NR2C2: variants seen among roughly 807,000 people sequenced by gnomAD.
The protein encoded by NR2C2 is Nuclear hormone receptor TR4.
In NR2C2, 6 loss-of-function variants were observed where a neutral mutation model predicts 62.9. The observed-to-expected ratio is 0.10, with a 90% CI of 0.05 to 0.19. The LOEUF is 0.19. NR2C2 is among the 10% of genes least tolerant of loss of function. The probability of loss-of-function intolerance (pLI) is 1.00; values close to 1 mark genes in which losing one functional copy is unlikely to be tolerated. For synonymous variants in NR2C2, 272 were observed against 273.8 expected, an observed-to-expected ratio of 0.99 and a Z score of 0.07; for missense variants, 479 against 762.7, an observed-to-expected ratio of 0.63 and a Z score of 4.38.
intron 1 of NR2C2, among the ~76,000 whole-genome samples, chr3:14,976,838 TAGTC>T (rs1192671733): frequency 3.9e-5 from 6 of 152,178 alleles, no homozygotes; most frequent in Admixed American, 2.6e-4. Context: ...TTGTGTATAA[TAGTC>T]AGTGCCACTG....
At chr3:14,983,407 C>G (rs1015081173) in intron 1 of NR2C2, among the ~76,000 whole-genome samples, 1 of 151,252 alleles carries the variant, frequency 6.6e-6, no homozygotes, top group Non-Finnish European at 1.5e-5. Flanking sequence ...TTAAACCCAT[C>G]TTGTATTCTG....
chr3:15,023,935 T>C (rs561998684), intron 6 of NR2C2, among the ~76,000 whole-genome samples, 180 bp from the exon 7 acceptor site: 2 of 152,220 alleles, frequency 1.3e-5, no homozygotes, highest in Non-Finnish European at 2.9e-5. Context: ...ACTTTATGTA[T>C]ATCTCATTGC....
intron 1 of NR2C2, among the ~76,000 whole-genome samples, chr3:14,998,135 A>G (rs1440628324): frequency 6.6e-6 from 1 of 152,190 alleles, no homozygotes; most frequent in African/African-American, 2.4e-5. Context: ...ACTCCATTAC[A>G]TGGATATACC....
chr3:15,025,272 G>A (rs1438808596), intron 7 of NR2C2, among the ~76,000 whole-genome samples: 1 of 152,238 alleles, frequency 6.6e-6, no homozygotes. Context: ...CACAGACTGG[G>A]AATGAGAACC....
chr3:15,027,340 C>A (rs2041852198), intron 7 of NR2C2, among the ~76,000 whole-genome samples: 1 of 152,226 alleles, frequency 6.6e-6, no homozygotes, highest in Admixed American at 6.5e-5. Context: ...TTTTATTTAT[C>A]CATTAGTCAA....
intron 7 of NR2C2, chr3:15,026,825 G>C (rs748558373): frequency 1.3e-5 from 2 of 152,182 alleles, no homozygotes; most frequent in Non-Finnish European, 2.9e-5. Flanking sequence ...TCAGCCTCCC[G>C]AGTAGCTGGG....
rs1269732492 is a variant in NR2C2, at chr3:15,023,230, T to C, written c.587T>C (p.Val196Ala). The C allele has an allele frequency of 6.2e-7, 1 of 1,614,154 alleles. No individual in the cohort carries two copies. Among genetic ancestry groups the C allele is most frequent in the Non-Finnish European group, 8.5e-7 (1 of 1,180,052 alleles). ...SVQSERKPFD[V>A]QREKPSNCAA... ...CAGAGTGAACGGAAGCCCTTCGATGTGCAACGGGAGAAACCAAGCAATTGT... is the reference window on the plus strand; with the variant it reads ...CAGAGTGAACGGAAGCCCTTCGATGCGCAACGGGAGAAACCAAGCAATTGT... The change falls in exon 6 of 14, where the codon GTG (valine) becomes GCG (alanine). Residue 196 changes from valine to alanine, a missense_variant. This residue lies in a region of NR2C2 where 51 missense variants were observed against 137.5 expected (regional missense o/e 0.37). Transcript: ENST00000425241.
chr3:15,013,904 C>G (rs2041427217), intron 3 of NR2C2, 115 bp downstream of exon 3: 1 of 1,093,014 alleles, frequency 9.1e-7, no homozygotes, highest in Non-Finnish European at 1.4e-6. Context: ...CCTTGGGGAC[C>G]TGCAAACATG....
rs868378024 is a variant in NR2C2, at chr3:15,036,886, C to T, written c.1373-1114C>T. Among the ~76,000 whole-genome samples the T allele has an allele frequency of 3.8e-4, 58 of 152,252 alleles. No homozygotes were observed. In the Middle Eastern group the frequency reaches 0.034, roughly 89 times the overall value. ...CCTGTAATCCCAGCACTTTGGGAGGCCGAGGCAGGTGGATAACTTGAGGTC... is the reference window on the plus strand; with the variant it reads ...CCTGTAATCCCAGCACTTTGGGAGGTCGAGGCAGGTGGATAACTTGAGGTC... On this transcript the variant is annotated intron_variant, in intron 11 of 13. Coordinates refer to ENST00000425241, the MANE Select transcript of NR2C2 (RefSeq NM_001291694.2).
rs1369845817 is a variant in NR2C2, at chr3:15,048,097, T to G, written c.*5089T>G. 1.3e-5 allele frequency: 2 copies of G among 152,678 alleles called. No homozygotes were observed. Among genetic ancestry groups the G allele is most frequent in the African/African-American group, 4.8e-5 (2 of 41,460 alleles). 9.5% of individuals were successfully genotyped at this position (152,678 alleles called of 1,614,324 possible). On this transcript the variant is annotated 3_prime_UTR_variant, in exon 14 of 14. Transcript: ENST00000425241. The stretch of plus-strand genomic sequence containing the variant: ...AAAACTCACATAATCCACAGTTTCC[T>G]CTTTTTCTTTTTAAAATAAGTTATC...
At position 15,004,696 on chromosome 3, in the gene NR2C2, G is replaced by A. The variant is rs569423168; in HGVS notation, c.72+710G>A. ...CAAAGATTTATTGTTATCTCAACAA[G>A]CTGAATCAAAAAGCCAATTATAACG... On this transcript the variant is annotated intron_variant, in intron 2 of 13. Transcript: ENST00000425241. 2.7e-6 allele frequency: 4 copies of A among 1,502,364 alleles called. No homozygotes were observed. The East Asian group carries it at 6.9e-5, about 26-fold the overall frequency. 93.1% of individuals were successfully genotyped at this position (1,502,364 alleles called of 1,614,324 possible). A position where few individuals can be genotyped will look rare whatever the true frequency, so the allele number is the denominator to read the frequency against.
At chr3:15,040,786 T>C (rs775684226) in intron 13 of NR2C2, among the ~76,000 whole-genome samples, 3 of 152,160 alleles carry the variant, frequency 2.0e-5, no homozygotes, top group Non-Finnish European at 2.9e-5. Context: ...CCTCAATACA[T>C]AGAGAATGGG....
intron 5 of NR2C2, among the ~76,000 whole-genome samples, chr3:15,021,187 C>T (rs2041658498): frequency 6.6e-6 from 1 of 152,108 alleles, no homozygotes; most frequent in Admixed American, 6.5e-5. Context: ...GTGGGTTGAA[C>T]ACAGGCTTTG....
At chr3:15,004,100 C>A in intron 2 of NR2C2, 114 bp downstream of exon 2, 1 of 712,206 alleles carries the variant, frequency 1.4e-6, no homozygotes, top group Non-Finnish European at 2.2e-6. Context: ...AAATACAGTA[C>A]AACTTCATCA....
intron 4 of NR2C2, among the ~76,000 whole-genome samples, chr3:15,020,064 A>G (rs1264389928): frequency 2.0e-5 from 3 of 152,242 alleles, no homozygotes; most frequent in Admixed American, 2.0e-4. Context: ...AAGAGACACC[A>G]AAGTAAAACA....
chr3:14,996,710 C>A (rs1454471663), intron 1 of NR2C2, among the ~76,000 whole-genome samples: 2 of 152,008 alleles, frequency 1.3e-5, no homozygotes, highest in East Asian at 3.9e-4. Context: ...AGCTGGGACT[C>A]CAGGCGCCCA....
At chr3:14,963,713 G>T (rs555781389) in intron 1 of NR2C2, among the ~76,000 whole-genome samples, 1 of 152,004 alleles carries the variant, frequency 6.6e-6, no homozygotes, top group African/African-American at 2.4e-5. Flanking sequence ...CTCGTGATCC[G>T]CCTGCCTCTG....
intron 1 of NR2C2, among the ~76,000 whole-genome samples, chr3:15,000,174 C>A: frequency 6.6e-6 from 1 of 152,090 alleles, no homozygotes; most frequent in Non-Finnish European, 1.5e-5. Context: ...TCTCCCCATT[C>A]CCCCTGCCCC....
intron 13 of NR2C2, among the ~76,000 whole-genome samples, chr3:15,040,415 T>G (rs2042224579): frequency 6.6e-6 from 1 of 152,204 alleles, no homozygotes; most frequent in Non-Finnish European, 1.5e-5. Flanking sequence ...ATTGACAGCC[T>G]GGGAAGACAC....
Sources: allele counts gnomAD v4.1 joint callset (sites outside exome capture counted in the v4.1 genomes callset), GRCh38; gene constraint gnomAD v4.1.1; regional missense constraint gnomAD v4.1.1; transcripts MANE v1.5; gene names NCBI Gene and HGNC (gene_info 2026-07-23, HGNC 2026-07-21).